Variants in KCNE1 observed in about 807,000 individuals in gnomAD.
The protein encoded by KCNE1 is potassium voltage-gated channel subfamily E member 1.
KCNE1 carries 1 observed loss-of-function variant against 2.9 expected under a neutral mutation model. The observed-to-expected ratio is 0.34, with a 90% CI of 0.12 to 1.62. The LOEUF is 1.62. Ranked by LOEUF, KCNE1 falls within the 40% of genes most tolerant of loss-of-function variation. The pLI is 0.36. For missense variants in KCNE1, 45 were observed against 150.5 expected (o/e 0.30, Z 3.67); for synonymous variants, 23 against 65.4 (o/e 0.35, Z 3.13).
intron 2 of KCNE1, among the ~76,000 whole-genome samples, chr21:34,508,006 A>G (rs1214808037): frequency 6.6e-6 from 1 of 151,772 alleles, no homozygotes; most frequent in African/African-American, 2.4e-5. Context: ...CTTCAGAACA[A>G]TCAAGATGGT....
intron 2 of KCNE1, among the ~76,000 whole-genome samples, chr21:34,508,635 G>T (rs112517309): frequency 6.6e-6 from 1 of 152,168 alleles, no homozygotes; most frequent in Non-Finnish European, 1.5e-5. Context: ...GAGCCACCGC[G>T]CCCAGACTGG....
rs137956694 is a variant in KCNE1, at chr21:34,499,715, G to T, written c.-162+11386C>A. Among the ~76,000 whole-genome samples the T allele has an allele frequency of 1.9e-3, 292 of 152,350 alleles. 1 individual carries two copies. The highest frequency in any genetic ancestry group is 6.2e-3 in the African/African-American group (258 of 41,586). On this transcript the variant is annotated intron_variant, in intron 2 of 3. Transcript: ENST00000399286. ...CTGGATTTTCAGGTTCCCCATTGGG[G>T]ATATGTGCTTGGAGGCAGGTTTTCT... is the stretch of plus-strand genomic sequence containing the variant.
At chr21:34,504,189 G>C (rs1983337289) in intron 2 of KCNE1, among the ~76,000 whole-genome samples, 1 of 151,664 alleles carries the variant, frequency 6.6e-6, no homozygotes, top group African/African-American at 2.4e-5. Flanking sequence ...CTTTGGACTC[G>C]GGTGTGTGTT....
At chr21:34,495,679 T>C (rs1982763411) in intron 2 of KCNE1, among the ~76,000 whole-genome samples, 1 of 151,272 alleles carries the variant, frequency 6.6e-6, no homozygotes. Context: ...GTATTCATAG[T>C]AGCCTTGCAT....
intron 2 of KCNE1, among the ~76,000 whole-genome samples, chr21:34,508,887 G>A (rs1017484092): frequency 6.6e-6 from 1 of 152,128 alleles, no homozygotes; most frequent in Non-Finnish European, 1.5e-5. Flanking sequence ...CTTCACTAAT[G>A]GTACAAAATT....
At chr21:34,507,793 A>G (rs1472803398) in intron 2 of KCNE1, among the ~76,000 whole-genome samples, 1 of 152,210 alleles carries the variant, frequency 6.6e-6, no homozygotes, top group Non-Finnish European at 1.5e-5. Context: ...AACATTTCAA[A>G]GACCTCTACT....
At position 34,497,327 on chromosome 21, in the gene KCNE1, C is replaced by T. The variant is rs559165715; in HGVS notation, c.-162+13774G>A. Among the ~76,000 whole-genome samples, 68 of 152,126 alleles carry T rather than the reference C, an allele frequency of 4.5e-4. No individual in the cohort carries two copies. In the Middle Eastern group the frequency reaches 0.01, roughly 23 times the overall value. On this transcript the variant is annotated intron_variant, in intron 2 of 3. Coordinates refer to ENST00000399286, the MANE Select transcript of KCNE1 (RefSeq NM_000219.6). ...TCTATCTTGGTGTATTTTGAGGTTTCGTTTAAAGATTTAGAACTCCTTTTA... is the reference window on the plus strand; with the variant it reads ...TCTATCTTGGTGTATTTTGAGGTTTTGTTTAAAGATTTAGAACTCCTTTTA...
intron 2 of KCNE1, among the ~76,000 whole-genome samples, chr21:34,499,711 T>C (rs1477118955): frequency 6.6e-6 from 1 of 152,228 alleles, no homozygotes; most frequent in African/African-American, 2.4e-5. Flanking sequence ...GGTTCCCCAT[T>C]GGGGATATGT....
chr21:34,505,220 G>A (rs981579520), intron 2 of KCNE1, among the ~76,000 whole-genome samples: 7 of 151,956 alleles, frequency 4.6e-5, no homozygotes, highest in Admixed American at 6.6e-5. Flanking sequence ...TGCAACCTCC[G>A]CCTCCTGGGT....
At chr21:34,498,141 C>T (rs1251359336) in intron 2 of KCNE1, among the ~76,000 whole-genome samples, 1 of 152,050 alleles carries the variant, frequency 6.6e-6, no homozygotes, top group Non-Finnish European at 1.5e-5. Flanking sequence ...TCTGGTATCT[C>T]CTTGAGTAGC....
In KCNE1 at chr21:34,511,083, G is replaced by A. The variant is rs1474710042; in HGVS notation, c.-162+18C>T. On this transcript the variant is annotated intron_variant, in intron 2 of 3. Transcript: ENST00000399286. ...GTGCCTAACTGAGGAAAGGGTCTGT[G>A]CAACCCCCTTCTCCTACCAGTTCTC... 4 of 940,218 alleles carry A rather than the reference G, an allele frequency of 4.3e-6. No individual in the cohort carries two copies. Among genetic ancestry groups the A allele is most frequent in the East Asian group, 1.2e-4 (1 of 8,596 alleles). The allele number at this position is 940,218 out of a possible 1,614,324, so 58.2% of individuals were successfully genotyped here. A position where few individuals can be genotyped will look rare whatever the true frequency, so the allele number is the denominator to read the frequency against.
At chr21:34,498,215 T>C (rs1982928689) in intron 2 of KCNE1, among the ~76,000 whole-genome samples, 1 of 152,242 alleles carries the variant, frequency 6.6e-6, no homozygotes, top group African/African-American at 2.4e-5. Context: ...TTGGATGCAT[T>C]GCTGGGAAGC....
At chr21:34,498,891 G>A (rs1320731012) in intron 2 of KCNE1, among the ~76,000 whole-genome samples, 1 of 152,230 alleles carries the variant, frequency 6.6e-6, no homozygotes, top group African/African-American at 2.4e-5. Context: ...AGGGATCTAA[G>A]CTTGCCCGAA....
intron 2 of KCNE1, among the ~76,000 whole-genome samples, chr21:34,504,475 T>C (rs1983361424): frequency 6.6e-6 from 1 of 152,202 alleles, no homozygotes; most frequent in Non-Finnish European, 1.5e-5. Flanking sequence ...CTGGTGGCAA[T>C]GTAAAACGGT....
chr21:34,498,544 G>A (rs998848739), intron 2 of KCNE1, among the ~76,000 whole-genome samples: 5 of 152,256 alleles, frequency 3.3e-5, no homozygotes, highest in Admixed American at 6.5e-5. Context: ...AGAGTCCTGT[G>A]ACGTGATCCA....
chr21:34,501,085 G>A (rs1442742573), intron 2 of KCNE1, among the ~76,000 whole-genome samples: 1 of 152,144 alleles, frequency 6.6e-6, no homozygotes, highest in African/African-American at 2.4e-5. Context: ...CAGCAAAAGT[G>A]GGATTAAGCG....
Position 34,448,073 on chromosome 21 carries a change from C to G in KCNE1, c.*1172G>C, listed in dbSNP as rs552894653. 1.2e-5 allele frequency: 1 copy of G among 81,548 alleles called. No homozygotes were observed. Among genetic ancestry groups the G allele is most frequent in the Admixed American group, 1.4e-4 (1 of 7,392 alleles). 5.1% of individuals were successfully genotyped at this position (81,548 alleles called of 1,614,324 possible). ...GAATTTCCCTCTTCCGATAAGGACTCCAGTCATATTGGGTGAGGGCCCACC... is the reference window on the plus strand; with the variant it reads ...GAATTTCCCTCTTCCGATAAGGACTGCAGTCATATTGGGTGAGGGCCCACC... On this transcript the variant is annotated 3_prime_UTR_variant, in exon 4 of 4. Transcript: ENST00000399286.
Position 34,509,497 on chromosome 21 carries a change from C to G in KCNE1, c.-162+1604G>C, listed in dbSNP as rs371270073. 4.6e-5 allele frequency: 7 copies of G among 152,106 alleles called. No homozygotes were observed. The East Asian group carries it at 1.2e-3, about 25-fold the overall frequency. 9.4% of individuals were successfully genotyped at this position (152,106 alleles called of 1,614,324 possible). ...TTGAGACAGAGTCTCGCTCTGTCAC[C>G]CAGGCTGGAGTGTAGTGGCCCAGTC... On this transcript the variant is annotated intron_variant, in intron 2 of 3. Transcript: ENST00000399286.
intron 2 of KCNE1, among the ~76,000 whole-genome samples, chr21:34,505,555 A>T (rs1031174743): frequency 2.6e-5 from 4 of 152,260 alleles, no homozygotes; most frequent in African/African-American, 9.6e-5. Flanking sequence ...ATCAATGGGC[A>T]TCATGCCAGG....
Sources: allele counts gnomAD v4.1 joint callset (sites outside exome capture counted in the v4.1 genomes callset), GRCh38; gene constraint gnomAD v4.1.1; transcripts MANE v1.5; gene names NCBI Gene and HGNC (gene_info 2026-07-23, HGNC 2026-07-21).